Variants in ASIC2 observed in about 807,000 individuals in gnomAD.
ASIC2 encodes the protein acid sensing ion channel subunit 2.
A neutral mutation model predicts 57.3 loss-of-function variants in ASIC2; 25 were observed. That is an observed-to-expected ratio of 0.44 (90% CI 0.32 to 0.61). The LOEUF (loss-of-function observed/expected upper bound fraction) is 0.61. Among genes scored for constraint, ASIC2 ranks in the 20% least tolerant of loss-of-function variants. The pLI is 0.06. For missense variants in ASIC2, 641 were observed against 738.1 expected (o/e 0.87, Z 1.52); for synonymous variants, 319 against 307.5 (o/e 1.04, Z -0.39).
intron 1 of ASIC2, among the ~76,000 whole-genome samples, chr17:33,406,268 C>T (rs1299517867): frequency 1.3e-5 from 2 of 152,216 alleles, no homozygotes; most frequent in African/African-American, 4.8e-5. Context: ...CTCACTTATG[C>T]ATCAGCCCAC....
At chr17:33,286,533 T>A (rs748159861) in intron 1 of ASIC2, among the ~76,000 whole-genome samples, 1 of 152,200 alleles carries the variant, frequency 6.6e-6, no homozygotes, top group Non-Finnish European at 1.5e-5. Flanking sequence ...AGTCCCTCCC[T>A]CCAGCCACCC....
At chr17:33,244,768 C>A (rs554493277) in intron 1 of ASIC2, among the ~76,000 whole-genome samples, 1 of 152,344 alleles carries the variant, frequency 6.6e-6, no homozygotes, top group African/African-American at 2.4e-5. Flanking sequence ...GGTCTGACCA[C>A]TAACCCTGCC....
intron 1 of ASIC2, among the ~76,000 whole-genome samples, chr17:33,123,876 G>T (rs1464751278): frequency 6.6e-6 from 1 of 152,202 alleles, no homozygotes; most frequent in Non-Finnish European, 1.5e-5. Flanking sequence ...GGAGAAGGAA[G>T]AAGAGGGGAT....
intron 1 of ASIC2, among the ~76,000 whole-genome samples, chr17:33,719,687 A>G (rs571860452): frequency 1.3e-5 from 2 of 152,324 alleles, no homozygotes; most frequent in East Asian, 3.9e-4. Flanking sequence ...AGAGGCTGCA[A>G]TAAGGCACTG....
intron 1 of ASIC2, among the ~76,000 whole-genome samples, chr17:33,493,422 A>T (rs1259937404): frequency 6.6e-6 from 1 of 152,210 alleles, no homozygotes; most frequent in Non-Finnish European, 1.5e-5. Context: ...TTGGATAACT[A>T]TAGTACAATC....
chr17:34,070,002 G>A (rs1228253108), intron 1 of ASIC2: 2 of 151,966 alleles, frequency 1.3e-5, no homozygotes, highest in African/African-American at 4.8e-5. Flanking sequence ...TACATGCTTG[G>A]CCCATAGTAG....
At chr17:34,137,813 G>A (rs1912165563) in intron 1 of ASIC2, among the ~76,000 whole-genome samples, 1 of 152,024 alleles carries the variant, frequency 6.6e-6, no homozygotes, top group African/African-American at 2.4e-5. Context: ...TGGAAGGAGG[G>A]GTGGGTCTCT....
chr17:33,581,839 T>C (rs1904452012), intron 1 of ASIC2, among the ~76,000 whole-genome samples: 1 of 152,234 alleles, frequency 6.6e-6, no homozygotes, highest in Non-Finnish European at 1.5e-5. Flanking sequence ...GCTCCTTTGC[T>C]ACTCTGGAGC....
At chr17:33,747,298 A>T (rs923260090) in intron 1 of ASIC2, among the ~76,000 whole-genome samples, 17 of 141,184 alleles carry the variant, frequency 1.2e-4, no homozygotes, top group African/African-American at 4.4e-4. Context: ...ATCACGGCTC[A>T]TTGCAGCTTT....
intron 1 of ASIC2, among the ~76,000 whole-genome samples, chr17:33,232,574 T>C (rs540679646): frequency 3.3e-5 from 5 of 152,296 alleles, no homozygotes; most frequent in African/African-American, 1.2e-4. Flanking sequence ...AAATATACTT[T>C]GTTTTGTATT....
intron 1 of ASIC2, among the ~76,000 whole-genome samples, chr17:33,544,786 GA>G (rs1189126686): frequency 6.7e-5 from 10 of 150,364 alleles, no homozygotes; most frequent in African/African-American, 9.7e-5. Flanking sequence ...AAATACAAAT[GA>G]AAAAAAATAT....
At chr17:33,236,153 G>C (rs1162232113) in intron 1 of ASIC2, among the ~76,000 whole-genome samples, 1 of 151,920 alleles carries the variant, frequency 6.6e-6, no homozygotes, top group Non-Finnish European at 1.5e-5. Context: ...ACTTAGAGGT[G>C]ATGGGTGCTA....
intron 1 of ASIC2, chr17:33,793,544 G>T (rs557720060): frequency 6.6e-6 from 1 of 152,300 alleles, no homozygotes; most frequent in South Asian, 2.1e-4. Context: ...AGCCATTGTT[G>T]CAAAGCAAGG....
Position 33,607,278 on chromosome 17 carries a change from G to A in ASIC2, c.556-495211C>T, listed in dbSNP as rs186473389. Among the ~76,000 whole-genome samples, 40 of 152,214 alleles carry A rather than the reference G, an allele frequency of 2.6e-4. No homozygotes were observed. In the East Asian group the frequency reaches 7.0e-3, roughly 27 times the overall value. On this transcript the variant is annotated intron_variant, in intron 1 of 9. Transcript: ENST00000359872. The stretch of plus-strand genomic sequence containing the variant: ...CCCAAACGCAACCTCCTGGGGGAAC[G>A]TGAGCAGTGAGCAATGAATAAATCG...
chr17:33,037,532 C>CAG (rs2091914261), intron 3 of ASIC2, among the ~76,000 whole-genome samples: 2 of 151,826 alleles, frequency 1.3e-5, no homozygotes, highest in Non-Finnish European at 2.9e-5. Flanking sequence ...GTGCACAGCA[C>CAG]CGACTCTTGC....
chr17:33,732,109 C>G (rs183917201), intron 1 of ASIC2, among the ~76,000 whole-genome samples: 1 of 152,350 alleles, frequency 6.6e-6, no homozygotes, highest in East Asian at 1.9e-4. Flanking sequence ...AGCAATTCCA[C>G]TTCTAGGAAT....
intron 1 of ASIC2, among the ~76,000 whole-genome samples, chr17:33,804,632 G>A (rs1048447865): frequency 5.3e-5 from 8 of 152,154 alleles, no homozygotes; most frequent in African/African-American, 1.7e-4. Flanking sequence ...ACCTTTGAAC[G>A]ATGCCTTTCA....
chr17:33,504,680 G>A (rs1167131074), intron 1 of ASIC2, among the ~76,000 whole-genome samples: 2 of 152,068 alleles, frequency 1.3e-5, no homozygotes, highest in African/African-American at 4.8e-5. Flanking sequence ...ACTTGTTGCC[G>A]CATACTCCTG....
At chr17:33,631,476 A>G (rs1293169876) in intron 1 of ASIC2, among the ~76,000 whole-genome samples, 1 of 151,992 alleles carries the variant, frequency 6.6e-6, no homozygotes, top group Non-Finnish European at 1.5e-5. Flanking sequence ...AGACCTACCC[A>G]TGTTTGATGT....
Sources: gnomAD v4.1 joint callset for allele counts (sites outside exome capture counted in the v4.1 genomes callset) on GRCh38, gnomAD v4.1.1 for gene constraint, MANE v1.5 for transcripts, NCBI Gene and HGNC (gene_info 2026-07-23, HGNC 2026-07-21) for gene names.